Variants in FSTL5 observed in about 807,000 individuals in gnomAD.
FSTL5 encodes follistatin-related protein 5.
In FSTL5, 62 loss-of-function variants were observed where a neutral mutation model predicts 89.1. The ratio of observed to expected loss-of-function variants is 0.70; its 90% CI spans 0.57 to 0.86. The LOEUF is 0.86. Ranked by LOEUF, FSTL5 falls within the 40% of genes least tolerant of loss-of-function variation. The pLI, the probability that FSTL5 is intolerant of heterozygous loss-of-function variation, is 0.00. For synonymous variants in FSTL5, 383 were observed against 346.2 expected (o/e 1.11, Z -1.18); for missense variants, 1,057 against 1,001.6 (o/e 1.06, Z -0.75).
At chr4:161,447,375 T>C (rs1244016198) in intron 15 of FSTL5, among the ~76,000 whole-genome samples, 1 of 152,090 alleles carries the variant, frequency 6.6e-6, no homozygotes, top group Non-Finnish European at 1.5e-5. Flanking sequence ...GAACATTACA[T>C]AGCAAATGTG....
chr4:162,125,294 G>A (rs1337373933), intron 1 of FSTL5, among the ~76,000 whole-genome samples: 1 of 152,042 alleles, frequency 6.6e-6, no homozygotes, highest in Non-Finnish European at 1.5e-5. Flanking sequence ...TGTCATGTTT[G>A]AGAAAAACTA....
intron 11 of FSTL5, among the ~76,000 whole-genome samples, chr4:161,501,661 A>C (rs1730297056): frequency 6.6e-6 from 1 of 152,022 alleles, no homozygotes; most frequent in Non-Finnish European, 1.5e-5. Flanking sequence ...ATAATTCCAG[A>C]GAGCAATGCA....
intron 2 of FSTL5, among the ~76,000 whole-genome samples, chr4:162,096,760 T>G (rs1489774545): frequency 6.6e-6 from 1 of 151,912 alleles, no homozygotes; most frequent in East Asian, 1.9e-4. Flanking sequence ...TAAAAGGTAT[T>G]CACATACATC....
chr4:162,115,429 A>G lies in FSTL5; in HGVS notation c.-16-4017T>C, dbSNP rs566203012. Among the ~76,000 whole-genome samples, 4 of 152,270 alleles carry G rather than the reference A, an allele frequency of 2.6e-5. No homozygotes were observed. In the South Asian group the frequency reaches 8.3e-4, roughly 32 times the overall value. On this transcript the variant is annotated intron_variant, in intron 1 of 15. Transcript: ENST00000306100. ...TCAGCAGTAATCGATCCCACCATAA[A>G]CAGTGTCGTAATCTCACTTTCTTAG...
intron 6 of FSTL5, among the ~76,000 whole-genome samples, chr4:161,698,474 G>C (rs1446472175): frequency 6.6e-6 from 1 of 152,206 alleles, no homozygotes; most frequent in East Asian, 1.9e-4. Flanking sequence ...AGTCAATGAT[G>C]AGGTATTGTA....
At chr4:161,882,577 A>T (rs779106204) in intron 4 of FSTL5, among the ~76,000 whole-genome samples, 38 of 152,310 alleles carry the variant, frequency 2.5e-4, no homozygotes, top group African/African-American at 7.2e-4. Context: ...TGTATTATCC[A>T]TAAATTCAAA....
Position 161,724,962 on chromosome 4 carries a change from A to G in FSTL5, c.727+34449T>C, listed in dbSNP as rs552989395. ...GTAATCTCAGCACTTTGGGAGTCCAAGGGGCGAGTGGATAACAAGGTTAAG... is the reference window on the plus strand; with the variant it reads ...GTAATCTCAGCACTTTGGGAGTCCAGGGGGCGAGTGGATAACAAGGTTAAG... On this transcript the variant is annotated intron_variant, in intron 6 of 15. Coordinates refer to ENST00000306100, the MANE Select transcript of FSTL5 (RefSeq NM_020116.5). Among the ~76,000 whole-genome samples the G allele has an allele frequency of 5.8e-4, 89 of 152,296 alleles. 2 individuals carry two copies. The South Asian group carries it at 0.016, about 28-fold the overall frequency.
chr4:161,736,433 G>C (rs1462095738), intron 6 of FSTL5, among the ~76,000 whole-genome samples: 5 of 152,124 alleles, frequency 3.3e-5, no homozygotes, highest in Non-Finnish European at 7.4e-5. Flanking sequence ...TTAAGAAGCA[G>C]TTTTGGCTCT....
intron 3 of FSTL5, chr4:162,023,020 C>A (rs531477375): frequency 3.9e-5 from 6 of 152,246 alleles, no homozygotes; most frequent in African/African-American, 1.4e-4. Flanking sequence ...AAAGCCCCAA[C>A]TTGACCACTA....
intron 3 of FSTL5, among the ~76,000 whole-genome samples, chr4:161,991,893 G>C (rs564408265): frequency 2.6e-5 from 4 of 152,254 alleles, no homozygotes; most frequent in Admixed American, 6.5e-5. Context: ...AAAGAAGATG[G>C]CCTTTCAGAA....
intron 7 of FSTL5, among the ~76,000 whole-genome samples, chr4:161,645,350 G>T (rs990673018): frequency 1.3e-5 from 2 of 151,940 alleles, no homozygotes; most frequent in African/African-American, 4.8e-5. Context: ...AAAATTACCA[G>T]TTACACAAAC....
intron 3 of FSTL5, among the ~76,000 whole-genome samples, chr4:161,991,231 T>C (rs1736100630): frequency 6.6e-6 from 1 of 152,218 alleles, no homozygotes; most frequent in South Asian, 2.1e-4. Flanking sequence ...ACCTACTGAA[T>C]AATTGGTGTC....
At chr4:161,746,481 G>A (rs1740207826) in intron 6 of FSTL5, among the ~76,000 whole-genome samples, 1 of 152,176 alleles carries the variant, frequency 6.6e-6, no homozygotes, top group Admixed American at 6.5e-5. Flanking sequence ...GTGGTAATGG[G>A]TTGGGGTAAG....
At chr4:161,603,875 G>A (rs1206901053) in intron 7 of FSTL5, among the ~76,000 whole-genome samples, 1 of 151,982 alleles carries the variant, frequency 6.6e-6, no homozygotes, top group Non-Finnish European at 1.5e-5. Context: ...GGGCAACAAC[G>A]TCAGTTCCCC....
chr4:161,482,388 A>T (rs1372348355), intron 12 of FSTL5, among the ~76,000 whole-genome samples: 3 of 146,544 alleles, frequency 2.0e-5, no homozygotes, highest in African/African-American at 7.4e-5. Context: ...TTATTCCAGT[A>T]TTTCATTTGA....
intron 4 of FSTL5, among the ~76,000 whole-genome samples, chr4:161,915,235 T>C (rs1180553891): frequency 2.0e-5 from 3 of 152,116 alleles, no homozygotes; most frequent in Admixed American, 6.6e-5. Flanking sequence ...TAATACTCAA[T>C]TTGTTATTAT....
intron 3 of FSTL5, among the ~76,000 whole-genome samples, chr4:161,938,205 A>G (rs1008291168): frequency 1.3e-5 from 2 of 152,100 alleles, no homozygotes; most frequent in Admixed American, 6.6e-5. Context: ...TTTACTATTG[A>G]CACTCAATAA....
intron 3 of FSTL5, among the ~76,000 whole-genome samples, chr4:161,925,361 G>A (rs1338587554): frequency 6.6e-6 from 1 of 151,730 alleles, no homozygotes; most frequent in Non-Finnish European, 1.5e-5. Flanking sequence ...TTTACTTTTT[G>A]TTTCATGCTA....
chr4:162,051,428 T>C (rs2111258240), intron 2 of FSTL5, among the ~76,000 whole-genome samples: 1 of 151,500 alleles, frequency 6.6e-6, no homozygotes, highest in Middle Eastern at 3.4e-3. Context: ...TCACTTGAGA[T>C]ATAAATAATA....
Sources: allele counts gnomAD v4.1 joint callset (sites outside exome capture counted in the v4.1 genomes callset), GRCh38; gene constraint gnomAD v4.1.1; transcripts MANE v1.5; gene names NCBI Gene and HGNC (gene_info 2026-07-23, HGNC 2026-07-21).